Variants in CLNK observed in about 807,000 individuals in gnomAD.
CLNK encodes cytokine-dependent hematopoietic cell linker.
A neutral mutation model predicts 68.6 loss-of-function variants in CLNK; 74 were observed. That is an observed-to-expected ratio of 1.08 (90% CI 0.89 to 1.31). The LOEUF (loss-of-function observed/expected upper bound fraction) is 1.31, where lower values mean the gene tolerates loss of function less well. Ranked by LOEUF, CLNK falls within the 50% of genes most tolerant of loss-of-function variation. The pLI is 0.00. For missense variants in CLNK, 553 were observed against 515.3 expected (o/e 1.07, Z -0.71); for synonymous variants, 198 against 172.2 (o/e 1.15, Z -1.17).
chr4:10,547,673 C>G (rs964978938), intron 8 of CLNK, among the ~76,000 whole-genome samples: 3 of 152,104 alleles, frequency 2.0e-5, no homozygotes, highest in African/African-American at 7.2e-5. Context: ...TCCTGGCAGC[C>G]ACCATTCTAC....
rs543241738 is a variant in CLNK at position 10,667,992 on chromosome 4, G to T, written c.-42-81C>A. 644 of 687,312 alleles carry T rather than the reference G, an allele frequency of 9.4e-4. 6 individuals are homozygous for T. Among genetic ancestry groups the T allele is most frequent in the Non-Finnish European group, 4.0e-5 (17 of 421,896 alleles). 42.6% of individuals were successfully genotyped at this position (687,312 alleles called of 1,614,324 possible). ...GGGGAACAAGCCACTGTTGCTGCTT[G>T]TTAAAATCGGATACAGGTGCTGGTT... On this transcript the variant is annotated intron_variant, in intron 1 of 18. Coordinates refer to ENST00000226951, the MANE Select transcript of CLNK (RefSeq NM_052964.4).
chr4:10,671,954 A>G (rs1724661688), intron 1 of CLNK, among the ~76,000 whole-genome samples: 1 of 152,140 alleles, frequency 6.6e-6, no homozygotes, highest in South Asian at 2.1e-4. Context: ...AGTACGCAAA[A>G]TAGCTCGCTT....
chr4:10,564,609 T>G, intron 7 of CLNK, 62 bp downstream of exon 7: 1 of 1,209,878 alleles, frequency 8.3e-7, no homozygotes, highest in South Asian at 1.2e-5. Context: ...GATGGGGCAG[T>G]TTCTAGCTGG....
At chr4:10,658,855 G>A (rs1347827153) in intron 2 of CLNK, among the ~76,000 whole-genome samples, 1 of 152,232 alleles carries the variant, frequency 6.6e-6, no homozygotes, top group Admixed American at 6.5e-5. Context: ...AGCATACACT[G>A]CAGAAAAGCA....
chr4:10,693,006 G>T, the CLNK span, among the ~76,000 whole-genome samples: 1 of 152,146 alleles, frequency 6.6e-6, no homozygotes, highest in Non-Finnish European at 1.5e-5. Flanking sequence ...GATCAATCTG[G>T]GGACATAATT....
At chr4:10,672,659 A>G (rs1724694084) in intron 1 of CLNK, among the ~76,000 whole-genome samples, 1 of 152,210 alleles carries the variant, frequency 6.6e-6, no homozygotes, top group South Asian at 2.1e-4. Flanking sequence ...CTTTGGAATT[A>G]TCTGGAAACC....
intron 2 of CLNK, among the ~76,000 whole-genome samples, chr4:10,633,659 A>G (rs1418957713): frequency 6.6e-6 from 1 of 152,214 alleles, no homozygotes; most frequent in Non-Finnish European, 1.5e-5. Flanking sequence ...TCATCCTTGT[A>G]CTTCACTCAT....
chr4:10,652,488 G>T (rs1723785193), intron 2 of CLNK, among the ~76,000 whole-genome samples: 1 of 150,000 alleles, frequency 6.7e-6, no homozygotes, highest in African/African-American at 2.5e-5. Context: ...GAATAGAAAA[G>T]TGTCAATATA....
the CLNK span, among the ~76,000 whole-genome samples, chr4:10,712,986 C>T: frequency 6.6e-6 from 1 of 152,164 alleles, no homozygotes; most frequent in African/African-American, 2.4e-5. Context: ...CATTCCCTGG[C>T]CCATTGCCCA....
chr4:10,564,199 G>C (rs1720007890), intron 7 of CLNK, among the ~76,000 whole-genome samples: 1 of 149,020 alleles, frequency 6.7e-6, no homozygotes, highest in African/African-American at 2.5e-5. Context: ...ACAGCATTTT[G>C]AAATAAGCAT....
chr4:10,573,974 G>T (rs181471066), intron 4 of CLNK, among the ~76,000 whole-genome samples: 2 of 152,048 alleles, frequency 1.3e-5, no homozygotes, highest in Non-Finnish European at 2.9e-5. Flanking sequence ...AATTGTTAAC[G>T]CATATGTTTT....
At chr4:10,657,278 T>C (rs145431799) in intron 2 of CLNK, among the ~76,000 whole-genome samples, 610 of 152,248 alleles carry the variant, frequency 4.0e-3, no homozygotes, top group Non-Finnish European at 6.9e-3. Flanking sequence ...TAAAAGCAAG[T>C]GAATGATTAA....
chr4:10,699,980 A>G, the CLNK span, among the ~76,000 whole-genome samples: 8 of 147,376 alleles, frequency 5.4e-5, 1 homozygote, highest in East Asian at 1.6e-3. Flanking sequence ...ACTTGTGGAT[A>G]TAAAGGACTG....
chr4:10,508,709 C>G (rs980131883), intron 16 of CLNK, among the ~76,000 whole-genome samples: 37 of 152,144 alleles, frequency 2.4e-4, no homozygotes, highest in Non-Finnish European at 1.3e-4. Flanking sequence ...TCTATAAGGT[C>G]CTTCCTCATT....
chr4:10,732,304 G>A, the CLNK span, among the ~76,000 whole-genome samples: 10 of 152,142 alleles, frequency 6.6e-5, no homozygotes, highest in Non-Finnish European at 1.2e-4. Context: ...AAGGTTGGGC[G>A]GATTTAACAG....
intron 6 of CLNK, among the ~76,000 whole-genome samples, 155 bp from the exon 7 acceptor site, chr4:10,564,932 T>C (rs1037886585): frequency 6.6e-6 from 1 of 152,222 alleles, no homozygotes; most frequent in African/African-American, 2.4e-5. Flanking sequence ...GAGACTGACG[T>C]ATGCAGAGAA....
chr4:10,697,926 C>G, the CLNK span, among the ~76,000 whole-genome samples: 15 of 152,266 alleles, frequency 9.9e-5, no homozygotes, highest in Non-Finnish European at 1.0e-4. Flanking sequence ...AGATACTAAT[C>G]TTCATCCTCT....
chr4:10,681,497 G>T (rs2108903807), intron 1 of CLNK, among the ~76,000 whole-genome samples: 1 of 152,296 alleles, frequency 6.6e-6, no homozygotes, highest in South Asian at 2.1e-4. Flanking sequence ...TTTTCATGTT[G>T]TATCTAGACC....
intron 2 of CLNK, among the ~76,000 whole-genome samples, chr4:10,623,230 T>C (rs1160487534): frequency 6.6e-6 from 1 of 152,174 alleles, no homozygotes; most frequent in African/African-American, 2.4e-5. Flanking sequence ...CAAATCCCTC[T>C]CTAGGTTTTT....
Sources: gnomAD v4.1 joint callset for allele counts (sites outside exome capture counted in the v4.1 genomes callset) on GRCh38, gnomAD v4.1.1 for gene constraint, MANE v1.5 for transcripts, NCBI Gene and HGNC (gene_info 2026-07-23, HGNC 2026-07-21) for gene names.